Variants in CAMSAP2 observed in about 807,000 individuals in gnomAD.
The protein encoded by CAMSAP2 is calmodulin-regulated spectrin-associated protein 2.
In CAMSAP2, 26 loss-of-function variants were observed where a neutral mutation model predicts 146.1. The ratio of observed to expected loss-of-function variants is 0.18; its 90% CI spans 0.13 to 0.25. CAMSAP2 has a LOEUF of 0.25. Among genes scored for constraint, CAMSAP2 ranks in the 10% least tolerant of loss-of-function variants. The pLI is 1.00. For missense variants in CAMSAP2, 1,381 were observed against 1,759.3 expected (o/e 0.78, Z 3.85); for synonymous variants, 499 against 596.6 (o/e 0.84, Z 2.38).
chr1:200,813,400 A>G (rs1486420488), intron 3 of CAMSAP2, among the ~76,000 whole-genome samples: 3 of 152,230 alleles, frequency 2.0e-5, no homozygotes, highest in Admixed American at 6.5e-5. Flanking sequence ...TGATATAACC[A>G]TCTTTTCTAA....
intron 1 of CAMSAP2, among the ~76,000 whole-genome samples, chr1:200,752,473 GA>G (rs946227209): frequency 8.5e-4 from 129 of 151,830 alleles, no homozygotes; most frequent in Middle Eastern, 6.8e-3. Context: ...TAATTCATAA[GA>G]AAAAAAATTG....
intron 2 of CAMSAP2, among the ~76,000 whole-genome samples, chr1:200,769,023 A>C (rs935857920): frequency 6.6e-6 from 1 of 152,138 alleles, no homozygotes; most frequent in Admixed American, 6.5e-5. Flanking sequence ...TAGGAAGAGA[A>C]ACCAGAACAG....
rs1167482905 is a variant in CAMSAP2 at position 200,848,647 on chromosome 1, T to G, written c.1878T>G (p.Asp626Glu). 1 of 1,614,160 alleles carries G rather than the reference T, an allele frequency of 6.2e-7. No individual in the cohort carries two copies. The highest frequency in any genetic ancestry group is 8.5e-7 in the Non-Finnish European group (1 of 1,179,992). ...ATATTCCTGAAACTATGGACGAAGA[T>G]TCTTCGTTGAGAGATTATACTGTAA... ...SEDIPETMDE[D>E]SSLRDYTVSL... Residue 626 changes from aspartate to glutamate, a missense_variant, in exon 11 of 17, where the codon GAT becomes GAG. Around this residue, in one of 4 missense-constraint regions of CAMSAP2, gnomAD observed 447 missense variants for 462.2 expected, o/e 0.97. Coordinates refer to ENST00000358823, the MANE Select transcript of CAMSAP2 (RefSeq NM_203459.4).
At chr1:200,812,358 A>G (rs2102157235) in intron 3 of CAMSAP2, among the ~76,000 whole-genome samples, 1 of 152,330 alleles carries the variant, frequency 6.6e-6, no homozygotes, top group East Asian at 1.9e-4. Context: ...GGAAATCTAC[A>G]CAAAATTAAG....
chr1:200,752,564 T>C (rs901782276), intron 1 of CAMSAP2, among the ~76,000 whole-genome samples: 6 of 152,152 alleles, frequency 3.9e-5, no homozygotes, highest in Admixed American at 6.5e-5. Flanking sequence ...ATTTTCATTA[T>C]TGCTATTTTA....
intron 3 of CAMSAP2, among the ~76,000 whole-genome samples, chr1:200,810,533 G>A (rs578071397): frequency 6.2e-5 from 9 of 146,218 alleles, no homozygotes; most frequent in East Asian, 2.0e-4. Context: ...CCGAGATGGC[G>A]CCACGGCACT....
intron 2 of CAMSAP2, among the ~76,000 whole-genome samples, chr1:200,794,107 A>C (rs377424847): frequency 1.8e-4 from 27 of 152,348 alleles, no homozygotes; most frequent in African/African-American, 6.5e-4. Flanking sequence ...ATAATGATGC[A>C]TGTATAAGAT....
In CAMSAP2 at chr1:200,849,370, C is replaced by T. The variant is rs1276572128; in HGVS notation, c.2601C>T (p.Pro867=). 5 of 1,614,066 alleles carry T rather than the reference C, an allele frequency of 3.1e-6. No individual in the cohort carries two copies. The highest frequency in any genetic ancestry group is 3.4e-6 in the Non-Finnish European group (4 of 1,179,994). The stretch of plus-strand genomic sequence containing the variant: ...AGAAGCAGTGGAACCTGGCAAGCCC[C>T]TCAGAAGAAACTTTAAATGAAGGAG... ...DPEKQWNLAS[P]SEETLNEGEI... is the part of the protein sequence containing the mutation. Residue 867 remains proline (P), a synonymous_variant, in exon 11 of 17, where the codon CCC becomes CCT. Transcript: ENST00000358823. This position sits in a 1 kb window ranked among gnomAD's most constrained non-coding sequence, Gnocchi z 6.3.
rs1667670793 is a variant in CAMSAP2 at position 200,853,294 on chromosome 1, C to T, written c.3622C>T (p.Arg1208Cys). ...EETRRKTEEE[R>C]QKKEDERARR... is the part of the protein sequence containing the mutation. ...TCTTAGGCGTAAAACTGAGGAAGAA[C>T]GTCAGAAGAAAGAAGATGAGAGAGC... The change falls in exon 13 of 17, where the codon CGT becomes TGT. Residue 1208 changes from arginine (R) to cysteine (C), a missense_variant. Physicochemically the swap from Arg to Cys is radical, Grantham distance 180. Transcript: ENST00000358823. The surrounding 1 kb of genome is among the most constrained non-coding windows in gnomAD (Gnocchi z 5.1). 5 of 1,612,792 alleles carry T rather than the reference C, an allele frequency of 3.1e-6. No individual in the cohort carries two copies. Among genetic ancestry groups the T allele is most frequent in the Non-Finnish European group, 4.2e-6 (5 of 1,179,824 alleles).
chr1:200,803,988 G>A (rs1197850981), intron 2 of CAMSAP2, among the ~76,000 whole-genome samples: 1 of 151,566 alleles, frequency 6.6e-6, no homozygotes, highest in African/African-American at 2.4e-5. Flanking sequence ...GTGCAGTGGT[G>A]CGACCTCGGC....
chr1:200,781,888 C>A lies in CAMSAP2; in HGVS notation c.399+20790C>A, dbSNP rs142491144. On this transcript the variant is annotated intron_variant, in intron 2 of 16. Coordinates refer to ENST00000358823, the MANE Select transcript of CAMSAP2 (RefSeq NM_203459.4). ...ACTCTTGATAGTTACTGTTTTTTTC[C>A]TGCTTACATGTCTTTGATGGCTCAT... Among the ~76,000 whole-genome samples the A allele has an allele frequency of 4.1e-3, 628 of 152,018 alleles. 9 individuals are homozygous for A. The highest frequency in any genetic ancestry group is 3.4e-3 in the Middle Eastern group (1 of 294).
At chr1:200,799,622 G>T (rs934681414) in intron 2 of CAMSAP2, among the ~76,000 whole-genome samples, 2 of 152,040 alleles carry the variant, frequency 1.3e-5, no homozygotes, top group Admixed American at 1.3e-4. Context: ...CAGAAAACCA[G>T]CTCCTGGATT....
In CAMSAP2 at chr1:200,847,156, A is replaced by T. The variant is rs541028506; in HGVS notation, c.1110-54A>T. 42 of 1,332,640 alleles carry T rather than the reference A, an allele frequency of 3.2e-5. 1 individual carries two copies. The East Asian group carries it at 9.2e-4, about 29-fold the overall frequency. The allele number at this position is 1,332,640 out of a possible 1,614,324, so 82.6% of individuals were successfully genotyped here. On this transcript the variant is annotated intron_variant, in intron 8 of 16. Transcript: ENST00000358823. ...GTTTCTAACTTAAGACATTCTACCT[A>T]AATTTATATTAAACAGCTAAAATAT...
intron 4 of CAMSAP2, among the ~76,000 whole-genome samples, chr1:200,821,440 C>A (rs909214421): frequency 1.3e-5 from 2 of 152,236 alleles, no homozygotes; most frequent in African/African-American, 4.8e-5. Flanking sequence ...GCCTTGACCT[C>A]CAAAGTGCTG....
intron 7 of CAMSAP2, among the ~76,000 whole-genome samples, chr1:200,843,154 T>C (rs1278867321): frequency 6.6e-6 from 1 of 152,170 alleles, no homozygotes; most frequent in Non-Finnish European, 1.5e-5. Flanking sequence ...GCATCCCAAC[T>C]ACTTAGCAGC....
At position 200,816,615 on chromosome 1, in the gene CAMSAP2, T is replaced by A. The variant is rs1442669841; in HGVS notation, c.645+971T>A. On this transcript the variant is annotated intron_variant, in intron 4 of 16. Coordinates refer to ENST00000358823, the MANE Select transcript of CAMSAP2 (RefSeq NM_203459.4). ...ATCTCAAAAAAAAAAAATATATATA[T>A]ATATATATATGTATATATATACACA... Among the ~76,000 whole-genome samples the A allele has an allele frequency of 4.4e-3, 572 of 129,636 alleles. 20 individuals are homozygous for A. Among genetic ancestry groups the A allele is most frequent in the Non-Finnish European group, 7.0e-3 (407 of 58,164 alleles). 85.0% of individuals were successfully genotyped at this position (129,636 alleles called of 152,430 possible).
At chr1:200,779,831 A>G (rs1206307891) in intron 2 of CAMSAP2, among the ~76,000 whole-genome samples, 1 of 152,180 alleles carries the variant, frequency 6.6e-6, no homozygotes, top group Non-Finnish European at 1.5e-5. Flanking sequence ...TAATAACTAT[A>G]GAATATCAGG....
At position 200,816,605 on chromosome 1, in the gene CAMSAP2, AAT is replaced by A. The variant is rs1185236373; in HGVS notation, c.645+980_645+981del. Among the ~76,000 whole-genome samples, 129 of 111,222 alleles carry A rather than the reference AAT, an allele frequency of 1.2e-3. 3 individuals carry two copies. Among genetic ancestry groups the A allele is most frequent in the African/African-American group, 2.8e-3 (83 of 29,972 alleles). The allele number at this position is 111,222 out of a possible 152,430, so 73.0% of individuals were successfully genotyped here. On this transcript the variant is annotated intron_variant, in intron 4 of 16. Transcript: ENST00000358823. ...GCAAAACTTCATCTCAAAAAAAAAA[AAT>A]ATATATATATATATATATGTATATA...
At chr1:200,812,632 C>T (rs1304298418) in intron 3 of CAMSAP2, among the ~76,000 whole-genome samples, 4 of 152,016 alleles carry the variant, frequency 2.6e-5, no homozygotes, top group African/African-American at 9.7e-5. Flanking sequence ...GATAATGCAT[C>T]CACAAGTATA....
Sources: gnomAD v4.1 joint callset for allele counts (sites outside exome capture counted in the v4.1 genomes callset) on GRCh38, gnomAD v4.1.1 for gene constraint, gnomAD v4.1.1 regional missense constraint, Gnocchi (gnomAD v3.1) non-coding constraint, MANE v1.5 for transcripts, NCBI Gene and HGNC (gene_info 2026-07-23, HGNC 2026-07-21) for gene names.